The following MAGI1 variants were observed in gnomAD, a reference collection of about 807,000 sequenced individuals.
MAGI1 encodes the protein membrane associated guanylate kinase, WW and PDZ domain containing 1.
A neutral mutation model predicts 139.9 loss-of-function variants in MAGI1; 58 were observed. The observed-to-expected ratio is 0.41, with a 90% CI of 0.34 to 0.52. The LOEUF is 0.52. MAGI1 is among the 20% of genes least tolerant of loss of function. MAGI1 has a pLI of 0.12. For missense variants in MAGI1, 1,874 were observed against 1,901.6 expected (o/e 0.99, Z 0.27); for synonymous variants, 812 against 737.9 (o/e 1.10, Z -1.63).
intron 12 of MAGI1, among the ~76,000 whole-genome samples, chr3:65,426,608 AT>A (rs1183388853): frequency 6.6e-6 from 1 of 152,186 alleles, no homozygotes; most frequent in East Asian, 1.9e-4. Flanking sequence ...TTACTTTCTC[AT>A]TGAACCTAGC....
chr3:65,585,439 G>A (rs1280846141), intron 2 of MAGI1, among the ~76,000 whole-genome samples: 2 of 152,116 alleles, frequency 1.3e-5, no homozygotes, highest in African/African-American at 2.4e-5. Context: ...TAATCATTTC[G>A]AAAATGCAAG....
intron 17 of MAGI1, among the ~76,000 whole-genome samples, chr3:65,378,554 A>G (rs543807848): frequency 2.8e-4 from 43 of 152,282 alleles, no homozygotes; most frequent in Admixed American, 2.7e-3. Flanking sequence ...TCTTAAGACC[A>G]TTCTGAGGCC....
chr3:65,895,141 A>G (rs1468881020), intron 1 of MAGI1, among the ~76,000 whole-genome samples: 1 of 152,260 alleles, frequency 6.6e-6, no homozygotes, highest in African/African-American at 2.4e-5. Flanking sequence ...TAATAAATCC[A>G]TCAGTCCTTT....
At chr3:65,723,288 T>C (rs902448484) in intron 1 of MAGI1, among the ~76,000 whole-genome samples, 6 of 152,162 alleles carry the variant, frequency 3.9e-5, no homozygotes, top group African/African-American at 1.4e-4. Flanking sequence ...TACAAGAGCA[T>C]CTTGTGTCCA....
intron 1 of MAGI1, among the ~76,000 whole-genome samples, chr3:66,036,944 G>T (rs1027820776): frequency 1.3e-5 from 2 of 152,162 alleles, no homozygotes; most frequent in Admixed American, 1.3e-4. Context: ...ATCACCAGCA[G>T]CCAGCAAATG....
At chr3:65,768,758 T>C (rs1456309406) in intron 1 of MAGI1, among the ~76,000 whole-genome samples, 1 of 152,180 alleles carries the variant, frequency 6.6e-6, no homozygotes, top group Non-Finnish European at 1.5e-5. Context: ...CTTCCTACAA[T>C]TTAATTTTTA....
At chr3:65,657,166 C>A (rs1190421332) in intron 1 of MAGI1, among the ~76,000 whole-genome samples, 1 of 151,826 alleles carries the variant, frequency 6.6e-6, no homozygotes, top group East Asian at 1.9e-4. Flanking sequence ...TATTCTTATC[C>A]CCAACTTAAA....
intron 1 of MAGI1, among the ~76,000 whole-genome samples, chr3:65,780,875 C>A (rs978947002): frequency 6.6e-6 from 1 of 152,104 alleles, no homozygotes; most frequent in Non-Finnish European, 1.5e-5. Context: ...GCCATGACTA[C>A]GGGTGATTTT....
intron 2 of MAGI1, among the ~76,000 whole-genome samples, chr3:65,552,262 GT>G (rs1373430167): frequency 1.1e-4 from 8 of 71,690 alleles, no homozygotes; most frequent in African/African-American, 3.7e-4. Context: ...GTATAGGGGT[GT>G]GTGTGTGTGT....
At chr3:65,833,263 C>G (rs1266634873) in intron 1 of MAGI1, among the ~76,000 whole-genome samples, 1 of 152,032 alleles carries the variant, frequency 6.6e-6, no homozygotes, top group African/African-American at 2.4e-5. Flanking sequence ...GGATCACAGG[C>G]GTGCACCACT....
intron 2 of MAGI1, among the ~76,000 whole-genome samples, chr3:65,496,521 T>G (rs2107681646): frequency 6.6e-6 from 1 of 152,330 alleles, no homozygotes; most frequent in East Asian, 1.9e-4. Flanking sequence ...GTGAGATTTC[T>G]ATTACAAACA....
At chr3:65,420,979 G>C (rs1048614554) in intron 12 of MAGI1, among the ~76,000 whole-genome samples, 5 of 152,118 alleles carry the variant, frequency 3.3e-5, no homozygotes, top group Non-Finnish European at 7.4e-5. Flanking sequence ...TGTTAAATAA[G>C]TAAAGCTTGC....
intron 8 of MAGI1, among the ~76,000 whole-genome samples, chr3:65,442,180 G>C (rs561667768): frequency 1.3e-5 from 2 of 151,122 alleles, no homozygotes; most frequent in African/African-American, 4.9e-5. Flanking sequence ...CCCAATGCTA[G>C]AATAAGGCAC....
At chr3:65,751,028 AAC>A (rs1270765914) in intron 1 of MAGI1, among the ~76,000 whole-genome samples, 1 of 152,222 alleles carries the variant, frequency 6.6e-6, no homozygotes, top group Non-Finnish European at 1.5e-5. Context: ...GGGGATTAAA[AAC>A]AGTTTCAGAA....
At chr3:65,524,472 G>T (rs1440746624) in intron 2 of MAGI1, among the ~76,000 whole-genome samples, 1 of 152,188 alleles carries the variant, frequency 6.6e-6, no homozygotes, top group Admixed American at 6.5e-5. Context: ...AGAAAAGTTA[G>T]ACATGTAGGG....
chr3:65,957,520 CAA>C (rs761240940), intron 1 of MAGI1, among the ~76,000 whole-genome samples: 3 of 31,044 alleles, frequency 9.7e-5, no homozygotes, highest in African/African-American at 3.4e-4. Flanking sequence ...GACTTCATCT[CAA>C]AAAAAAAAAA....
chr3:65,493,070 T>C (rs1300077354), intron 3 of MAGI1, among the ~76,000 whole-genome samples: 5 of 109,902 alleles, frequency 4.5e-5, no homozygotes, highest in East Asian at 3.1e-4. Context: ...AGAGCGAGAC[T>C]CCGTCTCAAA....
intron 1 of MAGI1, among the ~76,000 whole-genome samples, chr3:65,702,078 G>A (rs1450710335): frequency 2.6e-5 from 4 of 152,050 alleles, no homozygotes; most frequent in African/African-American, 9.7e-5. Context: ...TGGAACATTT[G>A]CTATACTGAA....
intron 11 of MAGI1, 114 bp downstream of exon 11, chr3:65,430,585 G>T: frequency 9.4e-7 from 1 of 1,064,846 alleles, no homozygotes; most frequent in Non-Finnish European, 1.4e-6. Context: ...GTAAACATGT[G>T]CAATCATGAC....
Sources: gnomAD v4.1 joint callset for allele counts (sites outside exome capture counted in the v4.1 genomes callset) on GRCh38, gnomAD v4.1.1 for gene constraint, MANE v1.5 for transcripts, NCBI Gene and HGNC (gene_info 2026-07-23, HGNC 2026-07-21) for gene names.